The following BAG6 variants were observed in gnomAD, a reference collection of about 807,000 sequenced individuals.
BAG6 encodes BAG cochaperone 6, also known as large proline-rich protein BAG6.
BAG6 carries 22 observed loss-of-function variants against 121.0 expected under a neutral mutation model. The observed-to-expected ratio is 0.18, with a 90% CI of 0.13 to 0.26. The LOEUF (loss-of-function observed/expected upper bound fraction) is 0.26, where lower values mean the gene tolerates loss of function less well. Among genes scored for constraint, BAG6 ranks in the 10% least tolerant of loss-of-function variants. The probability of loss-of-function intolerance (pLI) is 1.00; values close to 1 mark genes in which losing one functional copy is unlikely to be tolerated. For synonymous variants in BAG6, 583 were observed against 584.6 expected, an observed-to-expected ratio of 1.00 and a Z score of 0.04; for missense variants, 1,233 against 1,537.7, an observed-to-expected ratio of 0.80 and a Z score of 3.31.
rs781178827 is a variant in BAG6, at chr6:31,640,726, T to C, written c.2935-22A>G. 2 of 1,612,914 alleles carry C rather than the reference T, an allele frequency of 1.2e-6. No individual in the cohort carries two copies. The highest frequency in any genetic ancestry group is 2.2e-5 in the South Asian group (2 of 91,082). ...GTGGCTGTGAAATTAAAGAACACCA[T>C]ACTTCCTCTCAGATCTCTCCAGTTC... On this transcript the variant is annotated intron_variant, in intron 21 of 25. Transcript: ENST00000676615. The surrounding 1 kb of genome is among the most constrained non-coding windows in gnomAD (Gnocchi z 4.2).
At position 31,644,391 on chromosome 6, in the gene BAG6, A is replaced by G; in HGVS notation, c.1471T>C (p.Ser491Pro). ...TLGSTLIQLP[S>P]LPPEFMHAVA... ...GCGTGCATGAACTCAGGGGGCAGGG[A>G]GGGCAGCTGGATGAGGGTGGAGCCT... The change falls in exon 12 of 26, where the codon TCC becomes CCC. Residue 491 changes from serine (S) to proline (P), a missense_variant. Physicochemically the swap from Ser to Pro is moderately conservative, Grantham distance 74. Coordinates refer to ENST00000676615, the MANE Select transcript of BAG6 (RefSeq NM_001387994.1). The surrounding 1 kb of genome is among the most constrained non-coding windows in gnomAD (Gnocchi z 4.9). 1 of 1,551,896 alleles carries G rather than the reference A, an allele frequency of 6.4e-7. No homozygotes were observed.
chr6:31,645,662 A>G (rs573648282), intron 8 of BAG6, 58 bp from the exon 9 acceptor site: 155 of 1,580,146 alleles, frequency 9.8e-5, no homozygotes, highest in Non-Finnish European at 1.3e-4. Flanking sequence ...AGTCCATCTC[A>G]CTAATAAAAG....
chr6:31,639,313 AACATTTCCC>A lies in BAG6; in HGVS notation c.3394-96_3394-88del, dbSNP rs1179792367. 29 of 1,467,692 alleles carry A rather than the reference AACATTTCCC, an allele frequency of 2.0e-5. No homozygotes were observed. The East Asian group carries it at 5.5e-4, about 28-fold the overall frequency. 90.9% of individuals were successfully genotyped at this position (1,467,692 alleles called of 1,614,324 possible). ...CACACAAGGCCATCCCTCAGAAGCT[AACATTTCCC>A]CCCCCAAGCACACTGTCAAATAGCC... On this transcript the variant is annotated intron_variant, in intron 25 of 25. Coordinates refer to ENST00000676615, the MANE Select transcript of BAG6 (RefSeq NM_001387994.1).
At position 31,641,500 on chromosome 6, in the gene BAG6, A is replaced by C; in HGVS notation, c.2559+39T>G. 6.2e-7 allele frequency: 1 copy of C among 1,614,136 alleles called. No individual in the cohort carries two copies. The highest frequency in any genetic ancestry group is 8.5e-7 in the Non-Finnish European group (1 of 1,179,952). ...AGTGGAGGAGGCAGCTGCCTTGACC[A>C]GACCCAGGAGAGGAAAGGAATAGAG... On this transcript the variant is annotated intron_variant, in intron 18 of 25. Coordinates refer to ENST00000676615, the MANE Select transcript of BAG6 (RefSeq NM_001387994.1). The surrounding 1 kb of genome is among the most constrained non-coding windows in gnomAD (Gnocchi z 5.7).
At position 31,644,634 on chromosome 6, in the gene BAG6, G is replaced by A. The variant is rs774505228; in HGVS notation, c.1370-32C>T. 2 of 1,600,926 alleles carry A rather than the reference G, an allele frequency of 1.2e-6. No homozygotes were observed. The highest frequency in any genetic ancestry group is 1.7e-6 in the Non-Finnish European group (2 of 1,170,554). The stretch of plus-strand genomic sequence containing the variant: ...AGGGAGACAGAGACAGTGGCCCTGA[G>A]GTAGGTAGGGCCAAGGCCTAACTAT... On this transcript the variant is annotated intron_variant, in intron 10 of 25. Transcript: ENST00000676615. The surrounding 1 kb of genome is among the most constrained non-coding windows in gnomAD (Gnocchi z 4.9).
rs375037442 is a variant in BAG6 at position 31,640,544 on chromosome 6, C to A, written c.2995-16G>T. 6.2e-7 allele frequency: 1 copy of A among 1,612,564 alleles called. No individual in the cohort carries two copies. Among genetic ancestry groups the A allele is most frequent in the Non-Finnish European group, 8.5e-7 (1 of 1,179,802 alleles). Reference sequence around the variant, plus strand: ...CATTCTCCCGCTGGGTGTCAGATGGCGGGAAGAGCCAGGCTTCAGAATTTT... The same window carrying A: ...CATTCTCCCGCTGGGTGTCAGATGGAGGGAAGAGCCAGGCTTCAGAATTTT... On this transcript the variant is annotated splice_polypyrimidine_tract_variant and intron_variant, in intron 22 of 25. Transcript: ENST00000676615. The surrounding 1 kb of genome is among the most constrained non-coding windows in gnomAD (Gnocchi z 4.2).
chr6:31,648,594 G>A (rs1200899697), intron 6 of BAG6, 83 bp downstream of exon 6: 1 of 1,337,798 alleles, frequency 7.5e-7, no homozygotes, highest in Non-Finnish European at 1.1e-6. Context: ...CTGTGGATGT[G>A]GCCAGTGAAG....
intron 6 of BAG6, 190 bp from the exon 7 acceptor site, chr6:31,648,016 ATTT>A (rs9281542): frequency 8.5e-4 from 233 of 274,680 alleles, no homozygotes; most frequent in Middle Eastern, 7.4e-3. Flanking sequence ...AGCATCTGTA[ATTT>A]TTTTTTTTTT....
At position 31,639,648 on chromosome 6, in the gene BAG6, T is replaced by A; in HGVS notation, c.3247-2A>T. ...CTGGGGGCCCTCACCCTGCATCGTC[T>A]GGGGGACAGGGGGTTGGGAGGGAAA... On this transcript the variant is annotated splice_acceptor_variant, in intron 24 of 25. Coordinates refer to ENST00000676615, the MANE Select transcript of BAG6 (RefSeq NM_001387994.1). LOFTEE classifies it high-confidence loss of function. 1 of 1,607,194 alleles carries A rather than the reference T, an allele frequency of 6.2e-7. No homozygotes were observed. The highest frequency in any genetic ancestry group is 8.5e-7 in the Non-Finnish European group (1 of 1,175,920).
intron 25 of BAG6, 35 bp from the exon 26 acceptor site, chr6:31,639,261 T>C (rs187838928): frequency 1.9e-4 from 303 of 1,585,236 alleles, no homozygotes; most frequent in Admixed American, 7.7e-4. Flanking sequence ...GGAGAAACGC[T>C]GGCCAAGTCC....
intron 5 of BAG6, 74 bp from the exon 6 acceptor site, chr6:31,648,825 C>T (rs997936443): frequency 1.9e-6 from 3 of 1,596,104 alleles, no homozygotes; most frequent in Admixed American, 1.7e-5. Flanking sequence ...AAATCAGGTC[C>T]CAGCCATCTC....
At position 31,642,245 on chromosome 6, in the gene BAG6, C is replaced by T. The variant is rs369959235; in HGVS notation, c.2202G>A (p.Val734=). 501 of 1,612,400 alleles carry T rather than the reference C, an allele frequency of 3.1e-4. No individual in the cohort carries two copies. The Middle Eastern group carries it at 3.5e-3, about 11-fold the overall frequency. ...GCAGGGAGCTGAGCACACCCTGCACCACTGAGGTAAAAAACTCCGGTGACA... is the reference window on the plus strand; with the variant it reads ...GCAGGGAGCTGAGCACACCCTGCACTACTGAGGTAAAAAACTCCGGTGACA... ...ESLSPEFFTS[V]VQGVLSSLLG... is the part of the protein sequence containing the mutation. The change falls in exon 16 of 26, where the codon GTG becomes GTA. Residue 734 remains valine, a synonymous_variant. Transcript: ENST00000676615.
intron 9 of BAG6, 99 bp downstream of exon 9, chr6:31,645,308 G>C (rs533275435): frequency 6.2e-7 from 1 of 1,606,422 alleles, no homozygotes; most frequent in African/African-American, 1.3e-5. Context: ...CATGTTTCCA[G>C]TCTCCTCCTT....
At position 31,641,625 on chromosome 6, in the gene BAG6, G is replaced by A; in HGVS notation, c.2506-33C>T. On this transcript the variant is annotated intron_variant, in intron 17 of 25. Transcript: ENST00000676615. This position sits in a 1 kb window ranked among gnomAD's most constrained non-coding sequence, Gnocchi z 5.7. ...GGAAACAGAACAGGTTTAGTTCAAA[G>A]CCTCAGTCCTCCCAAGACTTCCACC... The A allele has an allele frequency of 6.2e-7, 1 of 1,613,952 alleles. No individual in the cohort carries two copies. The highest frequency in any genetic ancestry group is 8.5e-7 in the Non-Finnish European group (1 of 1,179,828).
In BAG6 at chr6:31,640,820, T is replaced by A; in HGVS notation, c.2906A>T (p.Tyr969Phe). 6.2e-7 allele frequency: 1 copy of A among 1,612,696 alleles called. No individual in the cohort carries two copies. Residue 969 changes from tyrosine (Y) to phenylalanine (F), a missense_variant, in exon 21 of 26, where the codon TAC becomes TTC. Transcript: ENST00000676615. This position sits in a 1 kb window ranked among gnomAD's most constrained non-coding sequence, Gnocchi z 4.2. ...MPVGPDAILRYVRRVGDPPQP... is the reference protein window; with the variant it reads ...MPVGPDAILRFVRRVGDPPQP... ...GGGGGGATCACCAACCCTGCGAACG[T>A]ATCTGAGAATGGCATCAGGGCCTAC...
At position 31,639,222 on chromosome 6, in the gene BAG6, C is replaced by T. The variant is rs201834523; in HGVS notation, c.3398G>A (p.Arg1133Gln). ...EVQESYRQQL[R>Q]SDIQKRLQED... ...CTGCAGTCGTTTTTGTATATCAGAC[C>T]GGAGCTAAAGAGAAAAAGTAAGCAG... Residue 1133 changes from arginine (R) to glutamine (Q), a missense_variant, in exon 26 of 26, where the codon CGG becomes CAG. By Grantham distance (43) the Arg-to-Gln change is conservative (BLOSUM62 1). Transcript: ENST00000676615. 1.1e-5 allele frequency: 17 copies of T among 1,612,914 alleles called. No homozygotes were observed. Among genetic ancestry groups the T allele is most frequent in the African/African-American group, 9.3e-5 (7 of 74,924 alleles).
At chr6:31,648,423 T>C (rs186725297) in intron 6 of BAG6, among the ~76,000 whole-genome samples, 2 of 152,190 alleles carry the variant, frequency 1.3e-5, no homozygotes, top group East Asian at 3.9e-4. Context: ...GAGAGTAGAA[T>C]CCTTTAATTG....
Position 31,643,013 on chromosome 6 carries a change from C to T in BAG6, c.1859G>A (p.Gly620Glu), listed in dbSNP as rs1784486681. The stretch of plus-strand genomic sequence containing the variant: ...AGGGGTGGGTGGAGGCTGGGCAGGC[C>T]CCCCAGGAGCGGGGCCAGCTGTGGT... ...TATTAGPAPG[G>E]PAQPPPTPQP... The change falls in exon 15 of 26, where the codon GGG becomes GAG. Residue 620 changes from glycine to glutamate, a missense_variant. Physicochemically the swap from Gly to Glu is moderately conservative, Grantham distance 98. Around this residue, in one of 7 missense-constraint regions of BAG6, gnomAD observed 777 missense variants for 861.4 expected, o/e 0.90. Transcript: ENST00000676615. 6.3e-7 allele frequency: 1 copy of T among 1,591,054 alleles called. No individual in the cohort carries two copies. The highest frequency in any genetic ancestry group is 8.5e-7 in the Non-Finnish European group (1 of 1,169,966).
At chr6:31,647,123 G>C (rs1412617784) in intron 7 of BAG6, among the ~76,000 whole-genome samples, 1 of 151,480 alleles carries the variant, frequency 6.6e-6, no homozygotes, top group Non-Finnish European at 1.5e-5. Flanking sequence ...GGCTGGTCTC[G>C]AACTCCTGAC....
Sources: allele counts gnomAD v4.1 joint callset (sites outside exome capture counted in the v4.1 genomes callset), GRCh38; gene constraint gnomAD v4.1.1; regional missense constraint gnomAD v4.1.1; non-coding constraint Gnocchi (gnomAD v3.1); transcripts MANE v1.5; gene names NCBI Gene and HGNC (gene_info 2026-07-23, HGNC 2026-07-21).